Variants in SLC45A4 observed in about 807,000 individuals in gnomAD.
The protein encoded by SLC45A4 is solute carrier family 45 member 4.
Under a neutral mutation model 63.7 loss-of-function variants are expected in SLC45A4, and 32 were observed. That is an observed-to-expected ratio of 0.50 (90% CI 0.38 to 0.67). SLC45A4 has a LOEUF of 0.67. Ranked by LOEUF, SLC45A4 falls within the 30% of genes least tolerant of loss-of-function variation. The probability of loss-of-function intolerance (pLI) is 0.00; values close to 1 mark genes in which losing one functional copy is unlikely to be tolerated. For synonymous variants in SLC45A4, 535 were observed against 510.0 expected, an observed-to-expected ratio of 1.05 and a Z score of -0.66; for missense variants, 1,027 against 1,157.7, an observed-to-expected ratio of 0.89 and a Z score of 1.64.
chr8:141,216,753 C>A (rs1826178643), intron 6 of SLC45A4, among the ~76,000 whole-genome samples: 1 of 152,222 alleles, frequency 6.6e-6, no homozygotes, highest in African/African-American at 2.4e-5. Flanking sequence ...CTGCTCTGAT[C>A]ATCAGGCCTT....
chr8:141,209,711 G>A lies in SLC45A4; in HGVS notation c.*1861C>T, dbSNP rs3739242. 19,132 of 152,310 alleles carry A rather than the reference G, an allele frequency of 0.13. 1,555 individuals are homozygous for A. Among genetic ancestry groups the A allele is most frequent in the Non-Finnish European group, 0.18 (12,057 of 68,034 alleles). 9.4% of individuals were successfully genotyped at this position (152,310 alleles called of 1,614,324 possible). ...CCTGGCTGGCACTGGCTTCCGGCAC[G>A]TTCATACCCTGACAGTGACTGTGGC... is the stretch of plus-strand genomic sequence containing the variant. On this transcript the variant is annotated 3_prime_UTR_variant, in exon 9 of 9. Coordinates refer to ENST00000517878, the MANE Select transcript of SLC45A4 (RefSeq NM_001286646.2).
intron 1 of SLC45A4, among the ~76,000 whole-genome samples, chr8:141,257,150 C>A (rs1828834838): frequency 6.6e-6 from 1 of 152,192 alleles, no homozygotes; most frequent in Non-Finnish European, 1.5e-5. Context: ...CCACACCCAG[C>A]CAGAACTATT....
chr8:141,307,493 C>T (rs908105246), intron 1 of SLC45A4, among the ~76,000 whole-genome samples: 1 of 150,052 alleles, frequency 6.7e-6, no homozygotes, highest in Non-Finnish European at 1.5e-5. Flanking sequence ...CTGCCAGGGT[C>T]GTGTGTGCAC....
At chr8:141,305,725 G>A (rs1332210189) in intron 1 of SLC45A4, among the ~76,000 whole-genome samples, 1 of 152,146 alleles carries the variant, frequency 6.6e-6, no homozygotes, top group East Asian at 1.9e-4. Context: ...AGCGGGAGAG[G>A]GCACTGGGAT....
intron 1 of SLC45A4, among the ~76,000 whole-genome samples, chr8:141,262,775 A>G (rs1829091625): frequency 6.6e-6 from 1 of 151,304 alleles, no homozygotes; most frequent in Non-Finnish European, 1.5e-5. Flanking sequence ...GGGACTGTAA[A>G]CTAGTTCAAC....
At chr8:141,298,318 T>C (rs1240258304) in intron 1 of SLC45A4, among the ~76,000 whole-genome samples, 1 of 152,254 alleles carries the variant, frequency 6.6e-6, no homozygotes, top group African/African-American at 2.4e-5. Flanking sequence ...TCAGACGTTT[T>C]CCGCACCCAG....
At chr8:141,303,696 A>AT (rs2154615505) in intron 1 of SLC45A4, among the ~76,000 whole-genome samples, 1 of 152,336 alleles carries the variant, frequency 6.6e-6, no homozygotes, top group South Asian at 2.1e-4. Context: ...AGCAAGTAGC[A>AT]TAACAGAACC....
chr8:141,262,929 G>A (rs201628466), intron 1 of SLC45A4, among the ~76,000 whole-genome samples: 1 of 151,142 alleles, frequency 6.6e-6, no homozygotes. Context: ...GTTTATTGCA[G>A]CACTATTCAC....
At chr8:141,247,260 A>ATGG (rs1555572354) in intron 2 of SLC45A4, among the ~76,000 whole-genome samples, 2 of 151,510 alleles carry the variant, frequency 1.3e-5, no homozygotes, top group Non-Finnish European at 3.0e-5. Flanking sequence ...AAAATCACTT[A>ATGG]TACTACTCTA....
At chr8:141,283,473 G>A (rs538081929) in intron 1 of SLC45A4, among the ~76,000 whole-genome samples, 1 of 152,224 alleles carries the variant, frequency 6.6e-6, no homozygotes, top group Non-Finnish European at 1.5e-5. Flanking sequence ...GAGAACCAAT[G>A]AAGGCTTCTC....
chr8:141,281,437 G>A (rs938738823), intron 1 of SLC45A4, among the ~76,000 whole-genome samples: 4 of 152,246 alleles, frequency 2.6e-5, no homozygotes, highest in South Asian at 2.1e-4. Context: ...GCAACACTGC[G>A]AGTGTTGTAA....
At chr8:141,277,379 T>C (rs533083112) in intron 1 of SLC45A4, among the ~76,000 whole-genome samples, 46 of 152,362 alleles carry the variant, frequency 3.0e-4, no homozygotes, top group Non-Finnish European at 2.9e-4. Context: ...CAAAGGTTCA[T>C]GAAGCTGACA....
intron 1 of SLC45A4, among the ~76,000 whole-genome samples, chr8:141,271,279 C>T (rs1829511312): frequency 1.3e-5 from 2 of 152,228 alleles, no homozygotes; most frequent in South Asian, 4.1e-4. Flanking sequence ...AAGGCCCCTG[C>T]ACCACAGGCT....
intron 2 of SLC45A4, among the ~76,000 whole-genome samples, chr8:141,223,852 C>T (rs183695407): frequency 5.8e-4 from 88 of 152,364 alleles, no homozygotes; most frequent in Admixed American, 2.1e-3. Flanking sequence ...CCCAGTCTGG[C>T]ACCAGATGGG....
intron 2 of SLC45A4, 72 bp from the exon 3 acceptor site, chr8:141,221,837 C>A: frequency 6.5e-7 from 1 of 1,533,804 alleles, no homozygotes; most frequent in East Asian, 2.3e-5. Context: ...CTGGGAGCCC[C>A]GCGACAGGCA....
At chr8:141,304,463 G>A (rs1563687479) in intron 1 of SLC45A4, among the ~76,000 whole-genome samples, 1 of 151,424 alleles carries the variant, frequency 6.6e-6, no homozygotes, top group Non-Finnish European at 1.5e-5. Context: ...GGAGGCGGAG[G>A]CAAAAGAATC....
chr8:141,280,717 C>T (rs56732624), intron 1 of SLC45A4, among the ~76,000 whole-genome samples: 2 of 152,182 alleles, frequency 1.3e-5, no homozygotes, highest in Non-Finnish European at 2.9e-5. Context: ...TCGTGTAATG[C>T]GACAGCGTGC....
intron 2 of SLC45A4, among the ~76,000 whole-genome samples, chr8:141,247,779 A>G (rs1828287335): frequency 6.6e-6 from 1 of 152,238 alleles, no homozygotes. Context: ...ACAGAAATCA[A>G]TCAATCGTTG....
At chr8:141,293,099 G>T (rs766551851) in intron 1 of SLC45A4, among the ~76,000 whole-genome samples, 1 of 152,210 alleles carries the variant, frequency 6.6e-6, no homozygotes, top group Non-Finnish European at 1.5e-5. Context: ...GTGGGCCTAC[G>T]TAATGCACGC....
Sources: allele counts gnomAD v4.1 joint callset (sites outside exome capture counted in the v4.1 genomes callset), GRCh38; gene constraint gnomAD v4.1.1; transcripts MANE v1.5; gene names NCBI Gene and HGNC (gene_info 2026-07-23, HGNC 2026-07-21).